The following PHIP variants were observed in gnomAD, a reference collection of about 807,000 sequenced individuals.
PHIP encodes the protein PH-interacting protein.
A neutral mutation model predicts 236.8 loss-of-function variants in PHIP; 54 were observed. That is an observed-to-expected ratio of 0.23 (90% CI 0.18 to 0.29). The LOEUF (loss-of-function observed/expected upper bound fraction) is 0.29, where lower values mean the gene tolerates loss of function less well. Ranked by LOEUF, PHIP falls within the 10% of genes least tolerant of loss-of-function variation. The pLI, the probability that PHIP is intolerant of heterozygous loss-of-function variation, is 1.00. For missense variants in PHIP, 1,370 were observed against 2,190.8 expected (o/e 0.63, Z 7.48); for synonymous variants, 756 against 718.9 (o/e 1.05, Z -0.83).
chr6:78,946,668 A>G (rs764453972), intron 37 of PHIP, 43 bp downstream of exon 37: 3 of 1,491,162 alleles, frequency 2.0e-6, no homozygotes, highest in Non-Finnish European at 2.7e-6. Flanking sequence ...CATTTAGATG[A>G]AAGTTATAGA....
rs773607736 is a variant in PHIP, at chr6:79,016,670, A to G, written c.1137-28T>C. 4.3e-6 allele frequency: 6 copies of G among 1,395,112 alleles called. No individual in the cohort carries two copies. In the African/African-American group the frequency reaches 8.6e-5, roughly 20 times the overall value. The allele number at this position is 1,395,112 out of a possible 1,614,324, so 86.4% of individuals were successfully genotyped here. On this transcript the variant is annotated intron_variant, in intron 12 of 39. Coordinates refer to ENST00000275034, the MANE Select transcript of PHIP (RefSeq NM_017934.7). ...GTATTAAAAGGAATCCGATCCCCCA[A>G]AGAAAAATCATACATGCTTTACCAA... is the stretch of plus-strand genomic sequence containing the variant.
chr6:79,019,034 A>AT lies in PHIP; in HGVS notation c.994+54dup. 2.5e-6 allele frequency: 3 copies of AT among 1,221,320 alleles called. No individual in the cohort carries two copies. The South Asian group carries it at 3.6e-5, about 15-fold the overall frequency. The allele number at this position is 1,221,320 out of a possible 1,614,324, so 75.7% of individuals were successfully genotyped here. On this transcript the variant is annotated intron_variant, in intron 10 of 39. Transcript: ENST00000275034. ...TTTCCTAAATATTACACACTCCACT[A>AT]TAAGGCTTCTAAATGAACAACTTTA...
At chr6:79,051,187 G>A (rs1367949171) in intron 6 of PHIP, among the ~76,000 whole-genome samples, 4 of 151,650 alleles carry the variant, frequency 2.6e-5, no homozygotes, top group Non-Finnish European at 5.9e-5. Context: ...TTCAACACAG[G>A]TTGGTTTACT....
chr6:79,010,530 G>A (rs907484167), intron 15 of PHIP, among the ~76,000 whole-genome samples: 3 of 151,758 alleles, frequency 2.0e-5, no homozygotes, highest in African/African-American at 7.3e-5. Context: ...ATCAAATTCA[G>A]TAAAACTGCT....
chr6:78,955,562 T>G, intron 33 of PHIP, 51 bp downstream of exon 33: 1 of 654,442 alleles, frequency 1.5e-6, no homozygotes, highest in East Asian at 2.9e-5. Context: ...ATATGTAAAT[T>G]TTTTTATATA....
chr6:79,045,304 T>C (rs1582277237), intron 6 of PHIP, among the ~76,000 whole-genome samples: 1 of 152,148 alleles, frequency 6.6e-6, no homozygotes, highest in Non-Finnish European at 1.5e-5. Context: ...AGTTCAGTAG[T>C]TGTACAACTG....
chr6:79,017,936 G>A (rs975098974), intron 10 of PHIP, among the ~76,000 whole-genome samples: 1 of 151,802 alleles, frequency 6.6e-6, no homozygotes, highest in African/African-American at 2.4e-5. Context: ...CATTTCCCAT[G>A]TGTCAAAATC....
intron 7 of PHIP, among the ~76,000 whole-genome samples, chr6:79,038,117 T>A (rs560630271): frequency 6.6e-6 from 1 of 152,234 alleles, no homozygotes; most frequent in Non-Finnish European, 1.5e-5. Flanking sequence ...TTCATTCCTA[T>A]CCCCAATGCT....
chr6:78,959,677 A>G (rs1766647605), intron 31 of PHIP, among the ~76,000 whole-genome samples: 1 of 152,178 alleles, frequency 6.6e-6, no homozygotes, highest in South Asian at 2.1e-4. Context: ...ATCAGGTTGG[A>G]AAACAGGCAA....
Position 78,997,426 on chromosome 6 carries a change from G to C in PHIP, c.2189C>G (p.Ala730Gly). ...CAACTTCCCTTACCTGGCTACACCA[G>C]CTGATAGCTCGGGTACTACCACCCT... ...SRRVVVPELSAGVASRQEEWR... is the reference protein window; with the variant it reads ...SRRVVVPELSGGVASRQEEWR... Residue 730 changes from alanine (A) to glycine (G), a missense_variant, in exon 19 of 40, where the codon GCT (alanine) becomes GGT (glycine). Physicochemically the swap from Ala to Gly is moderately conservative, Grantham distance 60 (BLOSUM62 0). Coordinates refer to ENST00000275034, the MANE Select transcript of PHIP (RefSeq NM_017934.7). 1.9e-6 allele frequency: 3 copies of C among 1,613,722 alleles called. No individual in the cohort carries two copies. Among genetic ancestry groups the C allele is most frequent in the Non-Finnish European group, 2.5e-6 (3 of 1,179,800 alleles).
At chr6:79,003,319 A>G (rs1327132432) in intron 16 of PHIP, among the ~76,000 whole-genome samples, 6 of 152,090 alleles carry the variant, frequency 3.9e-5, no homozygotes, top group African/African-American at 1.4e-4. Flanking sequence ...GTAATATAAT[A>G]CATTTTTAAG....
At chr6:79,071,669 C>G (rs1773887760) in intron 4 of PHIP, among the ~76,000 whole-genome samples, 1 of 152,044 alleles carries the variant, frequency 6.6e-6, no homozygotes, top group Non-Finnish European at 1.5e-5. Context: ...CAACTAAAGG[C>G]TACTTAGCTT....
In PHIP at chr6:78,945,280, A is replaced by G. The variant is rs1773740301; in HGVS notation, c.4828+20T>C. The G allele has an allele frequency of 6.5e-7, 1 of 1,530,962 alleles. No individual in the cohort carries two copies. Among genetic ancestry groups the G allele is most frequent in the Non-Finnish European group, 9.1e-7 (1 of 1,104,678 alleles). The allele number at this position is 1,530,962 out of a possible 1,614,324, so 94.8% of individuals were successfully genotyped here. A position where few individuals can be genotyped will look rare whatever the true frequency, so the allele number is the denominator to read the frequency against. On this transcript the variant is annotated intron_variant, in intron 39 of 39. Transcript: ENST00000275034. ...TAATAAGGATCTACTGTATCTTGAA[A>G]GATACAAGTAATACCTTACCTTGCT...
chr6:79,045,219 T>C (rs899452725), intron 6 of PHIP, among the ~76,000 whole-genome samples: 1 of 152,064 alleles, frequency 6.6e-6, no homozygotes, highest in African/African-American at 2.4e-5. Context: ...AGAAAGAACA[T>C]ACGTAGATTC....
At chr6:79,024,145 G>C (rs1328993272) in intron 9 of PHIP, among the ~76,000 whole-genome samples, 1 of 152,088 alleles carries the variant, frequency 6.6e-6, no homozygotes, top group Non-Finnish European at 1.5e-5. Flanking sequence ...TGTTACTCGA[G>C]CTACCATGGC....
At chr6:78,958,666 A>AAAAT (rs1384076745) in intron 31 of PHIP, 66 bp from the exon 32 acceptor site, 9 of 958,396 alleles carry the variant, frequency 9.4e-6, no homozygotes, top group Non-Finnish European at 1.5e-5. Context: ...CATCATTTAA[A>AAAAT]ACCAAGACAT....
intron 6 of PHIP, among the ~76,000 whole-genome samples, chr6:79,044,413 A>C (rs1156736793): frequency 6.6e-6 from 1 of 152,062 alleles, no homozygotes; most frequent in African/African-American, 2.4e-5. Context: ...CCCCAGACAC[A>C]TTTTCTTCAC....
At position 78,945,934 on chromosome 6, in the gene PHIP, T is replaced by C. The variant is rs1773787357; in HGVS notation, c.4630+67A>G. On this transcript the variant is annotated intron_variant, in intron 38 of 39. Coordinates refer to ENST00000275034, the MANE Select transcript of PHIP (RefSeq NM_017934.7). ...ATTACTAAAACTCAGTATATTGCAT[T>C]TGGCAAAGTAAAAGCTTAAATTAAG... 8.7e-6 allele frequency: 10 copies of C among 1,146,120 alleles called. No homozygotes were observed. The Admixed American group carries it at 1.7e-4, about 20-fold the overall frequency. 71.0% of individuals were successfully genotyped at this position (1,146,120 alleles called of 1,614,324 possible). A position where few individuals can be genotyped will look rare whatever the true frequency, so the allele number is the denominator to read the frequency against.
intron 31 of PHIP, 69 bp downstream of exon 31, chr6:78,961,621 A>G (rs192334809): frequency 2.0e-6 from 3 of 1,513,920 alleles, no homozygotes; most frequent in African/African-American, 1.4e-5. Flanking sequence ...AAACACTGCT[A>G]AAGATCAGTA....
Sources: allele counts gnomAD v4.1 joint callset (sites outside exome capture counted in the v4.1 genomes callset), GRCh38; gene constraint gnomAD v4.1.1; transcripts MANE v1.5; gene names NCBI Gene and HGNC (gene_info 2026-07-23, HGNC 2026-07-21).